The following IGFBP5 variants were observed in gnomAD, a reference collection of about 807,000 sequenced individuals.
IGFBP5 encodes the protein insulin like growth factor binding protein 5.
Under a neutral mutation model 28.0 loss-of-function variants are expected in IGFBP5, and 12 were observed. The observed-to-expected ratio is 0.43, with a 90% CI of 0.27 to 0.69. IGFBP5 has a LOEUF of 0.69. Ranked by LOEUF, IGFBP5 falls within the 30% of genes least tolerant of loss-of-function variation. IGFBP5 has a pLI of 0.20. For missense variants in IGFBP5, 344 were observed against 381.6 expected, an observed-to-expected ratio of 0.90 and a Z score of 0.82; for synonymous variants, 152 against 150.2, an observed-to-expected ratio of 1.01 and a Z score of -0.09.
intron 3 of IGFBP5, 151 bp from the exon 4 acceptor site, chr2:216,677,033 T>C (rs1574577073): frequency 2.6e-6 from 2 of 764,460 alleles, no homozygotes; most frequent in East Asian, 3.0e-5. Flanking sequence ...GGTGTCCCCA[T>C]TTCACGGAAA....
At position 216,679,477 on chromosome 2, in the gene IGFBP5, G is replaced by C. The variant is rs1688944749; in HGVS notation, c.338-398C>G. Among the ~76,000 whole-genome samples the C allele has an allele frequency of 6.6e-6, 1 of 152,146 alleles. No homozygotes were observed. Among genetic ancestry groups the C allele is most frequent in the Non-Finnish European group, 1.5e-5 (1 of 68,046 alleles). On this transcript the variant is annotated intron_variant, in intron 1 of 3. Transcript: ENST00000233813. This position sits in a 1 kb window ranked among gnomAD's most constrained non-coding sequence, Gnocchi z 4.6. ...TGCTGGGGGATGGCCAAGTAGATGGGACATGGCTGGAGGTGGGGCTGAGAA... is the reference window on the plus strand; with the variant it reads ...TGCTGGGGGATGGCCAAGTAGATGGCACATGGCTGGAGGTGGGGCTGAGAA...
chr2:216,684,857 T>G (rs1574580589), intron 1 of IGFBP5, among the ~76,000 whole-genome samples: 1 of 152,234 alleles, frequency 6.6e-6, no homozygotes, highest in Non-Finnish European at 1.5e-5. Context: ...TCATCCATGC[T>G]CCTGCCCTGG....
At chr2:216,690,278 C>T (rs537896780) in intron 1 of IGFBP5, among the ~76,000 whole-genome samples, 4 of 152,282 alleles carry the variant, frequency 2.6e-5, no homozygotes, top group Non-Finnish European at 5.9e-5. Context: ...GCCTGCTTGA[C>T]TCAACGCAGC....
intron 1 of IGFBP5, among the ~76,000 whole-genome samples, chr2:216,691,022 G>A (rs1689089089): frequency 6.6e-6 from 1 of 152,044 alleles, no homozygotes; most frequent in Non-Finnish European, 1.5e-5. Context: ...CAGAGGGAGG[G>A]GGTGCGGGTG....
chr2:216,685,246 A>C (rs899066117), intron 1 of IGFBP5, among the ~76,000 whole-genome samples: 1 of 150,578 alleles, frequency 6.6e-6, no homozygotes, highest in Admixed American at 6.6e-5. Flanking sequence ...GTGCCACTAC[A>C]TTCCCCCCTG....
chr2:216,679,751 C>T lies in IGFBP5; in HGVS notation c.338-672G>A, dbSNP rs976361926. Among the ~76,000 whole-genome samples the T allele has an allele frequency of 2.6e-5, 4 of 152,062 alleles. No individual in the cohort carries two copies. Among genetic ancestry groups the T allele is most frequent in the South Asian group, 2.1e-4 (1 of 4,812 alleles). The stretch of plus-strand genomic sequence containing the variant: ...GAAATGTAGGCCCGGAGGGGACCGG[C>T]GTGGGGCCAAGTGGAAGTCGGAGGC... On this transcript the variant is annotated intron_variant, in intron 1 of 3. Coordinates refer to ENST00000233813, the MANE Select transcript of IGFBP5 (RefSeq NM_000599.4). This position sits in a 1 kb window ranked among gnomAD's most constrained non-coding sequence, Gnocchi z 4.6.
In IGFBP5 at chr2:216,694,309, A is replaced by G. The variant is rs1574584789; in HGVS notation, c.337+130T>C. ...AGGGCTCCAATTCCGGGGTGCAAGG[A>G]CCCTCCCCGACTACTCCCGAGCTGC... On this transcript the variant is annotated intron_variant, in intron 1 of 3. Coordinates refer to ENST00000233813, the MANE Select transcript of IGFBP5 (RefSeq NM_000599.4). This position sits in a 1 kb window ranked among gnomAD's most constrained non-coding sequence, Gnocchi z 5.2. The G allele has an allele frequency of 9.9e-6, 7 of 706,178 alleles. No individual in the cohort carries two copies. Among genetic ancestry groups the G allele is most frequent in the Non-Finnish European group, 1.6e-5 (7 of 450,832 alleles). The allele number at this position is 706,178 out of a possible 1,614,324, so 43.7% of individuals were successfully genotyped here.
intron 3 of IGFBP5, among the ~76,000 whole-genome samples, chr2:216,677,620 C>T (rs943716288): frequency 2.0e-5 from 3 of 152,126 alleles, no homozygotes; most frequent in Non-Finnish European, 2.9e-5. Context: ...GTGTCCACCC[C>T]GGAGTCCACC....
In IGFBP5 at chr2:216,679,923, A is replaced by G. The variant is rs1441182347; in HGVS notation, c.338-844T>C. On this transcript the variant is annotated intron_variant, in intron 1 of 3. Coordinates refer to ENST00000233813, the MANE Select transcript of IGFBP5 (RefSeq NM_000599.4). The surrounding 1 kb of genome is among the most constrained non-coding windows in gnomAD (Gnocchi z 4.6). ...AGTGGCTTGCTGACAGTCTATACTT[A>G]GCTGGCTTTTGACCTTTAGAGAAGT... Among the ~76,000 whole-genome samples, 1 of 152,184 alleles carries G rather than the reference A, an allele frequency of 6.6e-6. No homozygotes were observed. The highest frequency in any genetic ancestry group is 1.9e-4 in the East Asian group (1 of 5,188).
intron 3 of IGFBP5, among the ~76,000 whole-genome samples, chr2:216,677,461 A>T (rs7603390): frequency 0.1 from 15,959 of 152,238 alleles, 1,748 homozygotes; most frequent in African/African-American, 0.28. Context: ...CTCCTCATTC[A>T]CCATTTTACA....
rs1484727336 is a variant in IGFBP5, at chr2:216,672,554, A to G, written c.*4197T>C. ...GAAAAAGAAAAACAACAACAACAAC[A>G]ACGAAAACAACCGGTAGGCAACTCG... On this transcript the variant is annotated 3_prime_UTR_variant, in exon 4 of 4. Coordinates refer to ENST00000233813, the MANE Select transcript of IGFBP5 (RefSeq NM_000599.4). 6.6e-6 allele frequency: 1 copy of G among 152,450 alleles called. No homozygotes were observed. Among genetic ancestry groups the G allele is most frequent in the African/African-American group, 2.4e-5 (1 of 41,380 alleles). 9.4% of individuals were successfully genotyped at this position (152,450 alleles called of 1,614,324 possible). A position where few individuals can be genotyped will look rare whatever the true frequency, so the allele number is the denominator to read the frequency against.
chr2:216,686,520 GAA>G (rs1689036399), intron 1 of IGFBP5, among the ~76,000 whole-genome samples: 1 of 152,054 alleles, frequency 6.6e-6, no homozygotes, highest in Non-Finnish European at 1.5e-5. Context: ...GGGAGTCTGA[GAA>G]GGGAGGATGG....
chr2:216,693,624 A>C (rs781668571), intron 1 of IGFBP5, among the ~76,000 whole-genome samples: 2 of 152,140 alleles, frequency 1.3e-5, no homozygotes, highest in Non-Finnish European at 2.9e-5. Flanking sequence ...AAAAGGAATT[A>C]GATTCAGAAA....
At position 216,679,699 on chromosome 2, in the gene IGFBP5, C is replaced by T. The variant is rs778266646; in HGVS notation, c.338-620G>A. 4.2e-4 allele frequency among the ~76,000 whole-genome samples: 64 copies of T among 151,992 alleles called. No individual in the cohort carries two copies. Among genetic ancestry groups the T allele is most frequent in the Admixed American group, 1.0e-3 (16 of 15,274 alleles). On this transcript the variant is annotated intron_variant, in intron 1 of 3. Transcript: ENST00000233813. This position sits in a 1 kb window ranked among gnomAD's most constrained non-coding sequence, Gnocchi z 4.6. ...GCAGGGTGGTGAGGACCTTCATAAG[C>T]GGCAGGAGGAGGGGAGGGGAGAGCC... is the stretch of plus-strand genomic sequence containing the variant.
chr2:216,691,560 A>T (rs1266716299), intron 1 of IGFBP5, among the ~76,000 whole-genome samples: 1 of 152,166 alleles, frequency 6.6e-6, no homozygotes, highest in Non-Finnish European at 1.5e-5. Context: ...TGAACTGGCC[A>T]GAATGAAATG....
chr2:216,693,915 T>C (rs1689133594), intron 1 of IGFBP5, among the ~76,000 whole-genome samples: 1 of 151,774 alleles, frequency 6.6e-6, no homozygotes. Flanking sequence ...TAGAAACGTC[T>C]GGAGGCACGG....
Position 216,694,734 on chromosome 2 carries a change from A to G in IGFBP5, c.42T>C (p.Tyr14=). The change falls in exon 1 of 4, where the codon TAT becomes TAC. Residue 14 remains tyrosine, a synonymous_variant. Transcript: ENST00000233813. The surrounding 1 kb of genome is among the most constrained non-coding windows in gnomAD (Gnocchi z 5.2). ...LTAVLLLLAA[Y]AGPAQSLGSF... is the part of the protein sequence containing the mutation. Reference sequence around the variant, plus strand: ...AGCCCAGGCTCTGGGCCGGCCCCGCATAGGCGGCCAGCAGCAGGAGGACCG... The same window carrying G: ...AGCCCAGGCTCTGGGCCGGCCCCGCGTAGGCGGCCAGCAGCAGGAGGACCG... 6.9e-7 allele frequency: 1 copy of G among 1,449,456 alleles called. No homozygotes were observed. Among genetic ancestry groups the G allele is most frequent in the South Asian group, 1.5e-5 (1 of 65,920 alleles). 89.8% of individuals were successfully genotyped at this position (1,449,456 alleles called of 1,614,324 possible). A position where few individuals can be genotyped will look rare whatever the true frequency, so the allele number is the denominator to read the frequency against.
At chr2:216,686,930 T>C (rs1374013744) in intron 1 of IGFBP5, among the ~76,000 whole-genome samples, 2 of 152,090 alleles carry the variant, frequency 1.3e-5, no homozygotes, top group African/African-American at 2.4e-5. Flanking sequence ...ACCTGTGTTA[T>C]GGGGAGGATG....
At chr2:216,682,713 T>C (rs1688989905) in intron 1 of IGFBP5, among the ~76,000 whole-genome samples, 1 of 151,170 alleles carries the variant, frequency 6.6e-6, no homozygotes, top group Non-Finnish European at 1.5e-5. Context: ...AAGCGTTTTT[T>C]GTTTTTTTTT....
Sources: gnomAD v4.1 joint callset for allele counts (sites outside exome capture counted in the v4.1 genomes callset) on GRCh38, gnomAD v4.1.1 for gene constraint, Gnocchi (gnomAD v3.1) non-coding constraint, MANE v1.5 for transcripts, NCBI Gene and HGNC (gene_info 2026-07-23, HGNC 2026-07-21) for gene names.